Variants in CBX5 observed in about 807,000 individuals in gnomAD.
CBX5 encodes the protein chromobox protein homolog 5.
CBX5 carries 7 observed loss-of-function variants against 20.7 expected under a neutral mutation model. The ratio of observed to expected loss-of-function variants is 0.34; its 90% CI spans 0.19 to 0.63. CBX5 has a LOEUF of 0.63. Ranked by LOEUF, CBX5 falls within the 30% of genes least tolerant of loss-of-function variation. CBX5 has a pLI of 0.75. For synonymous variants in CBX5, 78 were observed against 77.0 expected, an observed-to-expected ratio of 1.01 and a Z score of -0.07; for missense variants, 110 against 224.1, an observed-to-expected ratio of 0.49 and a Z score of 3.25.
intron 1 of CBX5, among the ~76,000 whole-genome samples, chr12:54,261,538 G>A (rs1021868992): frequency 5.9e-5 from 9 of 151,938 alleles, no homozygotes; most frequent in African/African-American, 1.9e-4. Flanking sequence ...CTTGTGATCC[G>A]CCCACCTGGG....
rs1011358640 is a variant in CBX5, at chr12:54,233,314, T to C, written c.*8441A>G. Reference sequence around the variant, plus strand: ...AAACAGTTATGTCTTTTCTCCCCCTTTGGATTTACTTTGGATTCTGGTAGA... The same window carrying C: ...AAACAGTTATGTCTTTTCTCCCCCTCTGGATTTACTTTGGATTCTGGTAGA... On this transcript the variant is annotated 3_prime_UTR_variant, in exon 5 of 5. Transcript: ENST00000209875. 2.0e-5 allele frequency: 3 copies of C among 152,178 alleles called. No individual in the cohort carries two copies. Among genetic ancestry groups the C allele is most frequent in the African/African-American group, 7.2e-5 (3 of 41,428 alleles). The allele number at this position is 152,178 out of a possible 1,614,324, so 9.4% of individuals were successfully genotyped here.
At chr12:54,241,938 AG>A (rs765865725) in intron 4 of CBX5, 33 bp from the exon 5 acceptor site, 8 of 1,599,312 alleles carry the variant, frequency 5.0e-6, no homozygotes, top group Non-Finnish European at 5.1e-6. Context: ...TTAAAAGGAG[AG>A]GAAGAGTGAA....
chr12:54,259,030 C>T (rs1943889324), intron 1 of CBX5, among the ~76,000 whole-genome samples: 1 of 152,106 alleles, frequency 6.6e-6, no homozygotes, highest in Non-Finnish European at 1.5e-5. Flanking sequence ...TAAAAAACTG[C>T]CTATACCCAT....
chr12:54,273,399 C>T (rs570849954), intron 1 of CBX5: 2 of 152,326 alleles, frequency 1.3e-5, no homozygotes, highest in South Asian at 4.1e-4. Context: ...GCCAAAATCA[C>T]ACCAATGCAC....
intron 1 of CBX5, among the ~76,000 whole-genome samples, chr12:54,265,836 CAGG>C (rs923618179): frequency 2.0e-5 from 3 of 152,090 alleles, no homozygotes; most frequent in Non-Finnish European, 4.4e-5. Flanking sequence ...CACTTGACGT[CAGG>C]AGTTCAAGAC....
chr12:54,243,212 T>G (rs1351848835), intron 4 of CBX5, among the ~76,000 whole-genome samples: 1 of 152,168 alleles, frequency 6.6e-6, no homozygotes, highest in Admixed American at 6.5e-5. Context: ...ATACTCAAAT[T>G]TGGACTATGG....
intron 1 of CBX5, among the ~76,000 whole-genome samples, chr12:54,270,483 G>A (rs1943999071): frequency 6.6e-6 from 1 of 152,114 alleles, no homozygotes; most frequent in South Asian, 2.1e-4. Context: ...ATGTTGCCCA[G>A]GCTGGTCTTG....
At chr12:54,245,871 G>A (rs1051934902) in intron 4 of CBX5, among the ~76,000 whole-genome samples, 8 of 152,210 alleles carry the variant, frequency 5.3e-5, no homozygotes, top group Middle Eastern at 3.4e-3. Flanking sequence ...CCAGGTACTC[G>A]GGAGGCTGAG....
chr12:54,272,767 T>C (rs910302840), intron 1 of CBX5: 16 of 152,304 alleles, frequency 1.1e-4, no homozygotes, highest in African/African-American at 2.6e-4. Flanking sequence ...TTTTAAATTA[T>C]TGACTTAAAA....
Position 54,234,852 on chromosome 12 carries a change from A to T in CBX5, c.*6903T>A, listed in dbSNP as rs181276445. The stretch of plus-strand genomic sequence containing the variant: ...AGCAATATGAGATGATGTTAGATGA[A>T]ATGAGGATCAGAATGAAAAGGCAAG... On this transcript the variant is annotated 3_prime_UTR_variant, in exon 5 of 5. Coordinates refer to ENST00000209875, the MANE Select transcript of CBX5 (RefSeq NM_012117.3). 2.0e-5 allele frequency: 3 copies of T among 152,352 alleles called. No individual in the cohort carries two copies. Among genetic ancestry groups the T allele is most frequent in the Non-Finnish European group, 4.4e-5 (3 of 68,036 alleles). 9.4% of individuals were successfully genotyped at this position (152,352 alleles called of 1,614,324 possible).
chr12:54,267,680 T>A (rs1192962114), intron 1 of CBX5, among the ~76,000 whole-genome samples: 1 of 152,002 alleles, frequency 6.6e-6, no homozygotes. Flanking sequence ...CCCGGCTAAT[T>A]TTTTTTGTGT....
At chr12:54,243,970 C>T (rs1019384494) in intron 4 of CBX5, among the ~76,000 whole-genome samples, 1 of 152,088 alleles carries the variant, frequency 6.6e-6, no homozygotes, top group African/African-American at 2.4e-5. Context: ...CAGCAGTACT[C>T]TCATCAGATA....
At chr12:54,266,057 A>C (rs1016480735) in intron 1 of CBX5, among the ~76,000 whole-genome samples, 3 of 150,246 alleles carry the variant, frequency 2.0e-5, no homozygotes, top group Non-Finnish European at 4.4e-5. Flanking sequence ...AAAAAAAAAA[A>C]AAACCAGGCG....
In CBX5 at chr12:54,239,382, G is replaced by C. The variant is rs547260454; in HGVS notation, c.*2373C>G. 1 of 152,154 alleles carries C rather than the reference G, an allele frequency of 6.6e-6. No homozygotes were observed. The highest frequency in any genetic ancestry group is 2.1e-4 in the South Asian group (1 of 4,810). 9.4% of individuals were successfully genotyped at this position (152,154 alleles called of 1,614,324 possible). On this transcript the variant is annotated 3_prime_UTR_variant, in exon 5 of 5. Coordinates refer to ENST00000209875, the MANE Select transcript of CBX5 (RefSeq NM_012117.3). ...GGTTTTTGGTTTTAAAAATAAGGTCGCTGCAGTTTACATGCCCACTGCTAC... is the reference window on the plus strand; with the variant it reads ...GGTTTTTGGTTTTAAAAATAAGGTCCCTGCAGTTTACATGCCCACTGCTAC...
At chr12:54,263,361 C>CAA (rs201068133) in intron 1 of CBX5, among the ~76,000 whole-genome samples, 2 of 148,426 alleles carry the variant, frequency 1.3e-5, no homozygotes, top group African/African-American at 5.0e-5. Flanking sequence ...AACTCCGTCT[C>CAA]AAAAAAAAAC....
At chr12:54,260,672 A>C (rs1210774941) in intron 1 of CBX5, among the ~76,000 whole-genome samples, 7 of 152,190 alleles carry the variant, frequency 4.6e-5, no homozygotes, top group Non-Finnish European at 1.5e-5. Flanking sequence ...TACATTATTA[A>C]TATACAACTC....
At chr12:54,254,746 A>T (rs745454603) in intron 2 of CBX5, among the ~76,000 whole-genome samples, 1 of 151,678 alleles carries the variant, frequency 6.6e-6, no homozygotes, top group African/African-American at 2.4e-5. Context: ...CCATCTACTC[A>T]GGAGGCTGAG....
At chr12:54,273,026 C>T (rs1944024851) in intron 1 of CBX5, 1 of 152,176 alleles carries the variant, frequency 6.6e-6, no homozygotes, top group Non-Finnish European at 1.5e-5. Flanking sequence ...TAGCTCAAAT[C>T]TATTTGGGTA....
chr12:54,248,716 A>G (rs1164959834), intron 3 of CBX5, among the ~76,000 whole-genome samples: 3 of 152,236 alleles, frequency 2.0e-5, no homozygotes, highest in African/African-American at 7.2e-5. Context: ...GGCGAATGGA[A>G]GAAAAACGTT....
Sources: allele counts gnomAD v4.1 joint callset (sites outside exome capture counted in the v4.1 genomes callset), GRCh38; gene constraint gnomAD v4.1.1; transcripts MANE v1.5; gene names NCBI Gene and HGNC (gene_info 2026-07-23, HGNC 2026-07-21).